USP42: variants seen among roughly 807,000 people sequenced by gnomAD.
USP42 encodes the protein ubiquitin carboxyl-terminal hydrolase 42.
USP42 carries 23 observed loss-of-function variants against 113.0 expected under a neutral mutation model. The observed-to-expected ratio is 0.20, with a 90% CI of 0.15 to 0.29. The LOEUF (loss-of-function observed/expected upper bound fraction) is 0.29. USP42 is among the 10% of genes least tolerant of loss of function. USP42 has a pLI of 1.00. For synonymous variants in USP42, 933 were observed against 699.0 expected (o/e 1.33, Z -5.28); for missense variants, 2,174 against 1,779.8 (o/e 1.22, Z -3.99).
At chr7:6,110,828 A>G (rs143370874) in intron 1 of USP42, among the ~76,000 whole-genome samples, 2 of 152,366 alleles carry the variant, frequency 1.3e-5, no homozygotes, top group Non-Finnish European at 2.9e-5. Context: ...ATGTCCAATT[A>G]TAAACTGAAA....
intron 15 of USP42, among the ~76,000 whole-genome samples, chr7:6,155,564 C>T (rs546781748): frequency 6.6e-6 from 1 of 152,236 alleles, no homozygotes; most frequent in Non-Finnish European, 1.5e-5. Context: ...TCTTACTTGT[C>T]AGATGTAGTT....
rs755793000 is a variant in USP42 at position 6,111,312 on chromosome 7, C to G, written c.179C>G (p.Ala60Gly). The G allele has an allele frequency of 3.1e-6, 5 of 1,609,506 alleles. No individual in the cohort carries two copies. In the Middle Eastern group the frequency reaches 6.6e-4, roughly 212 times the overall value. ...CTTTCTTTAGGACCAGTACCTGGTG[C>G]TGTAGTTTATTCGAGTTCATCTGTA... Reference protein sequence around the residue: ...HTLSLGPVPGAVVYSSSSVPD... With the variant: ...HTLSLGPVPGGVVYSSSSVPD... The change falls in exon 2 of 18, where the codon GCT becomes GGT. Residue 60 changes from alanine (A) to glycine (G), a missense_variant. Transcript: ENST00000306177.
intron 3 of USP42, among the ~76,000 whole-genome samples, chr7:6,123,593 G>C (rs891831111): frequency 2.0e-5 from 3 of 151,990 alleles, no homozygotes; most frequent in Non-Finnish European, 4.4e-5. Flanking sequence ...ACCCCGGGAG[G>C]CAGAGCCTGC....
At chr7:6,107,384 C>G (rs1360906153) in intron 1 of USP42, among the ~76,000 whole-genome samples, 1 of 147,936 alleles carries the variant, frequency 6.8e-6, no homozygotes, top group East Asian at 2.0e-4. Context: ...TCTTACAACT[C>G]TATTTGGGCT....
Position 6,154,401 on chromosome 7 carries a change from C to G in USP42, c.2847C>G (p.Asp949Glu). 1 of 1,577,012 alleles carries G rather than the reference C, an allele frequency of 6.3e-7. No homozygotes were observed. The highest frequency in any genetic ancestry group is 8.6e-7 in the Non-Finnish European group (1 of 1,163,186). The change falls in exon 15 of 18, where the codon GAC becomes GAG. Residue 949 changes from aspartate (D) to glutamate (E), a missense_variant. Coordinates refer to ENST00000306177, the MANE Select transcript of USP42 (RefSeq NM_032172.3). ...KEKIGSLRKV[D>E]RGHYRSRRER... is the part of the protein sequence containing the mutation. The stretch of plus-strand genomic sequence containing the variant: ...AAATCGGCAGCCTCAGAAAGGTGGA[C>G]CGAGGCCACTACCGCAGCCGGAGAG...
At position 6,154,214 on chromosome 7, in the gene USP42, C is replaced by G; in HGVS notation, c.2660C>G (p.Ser887Cys). The part of the protein sequence containing the change: ...GDHARDAQDP[S>C]QSLGAPEAAE... ...CACGCCCGGGACGCTCAGGACCCAT[C>G]CCAGAGCTTGGGCGCACCCGAGGCC... Residue 887 changes from serine to cysteine, a missense_variant, in exon 15 of 18, where the codon TCC (serine) becomes TGC (cysteine). Transcript: ENST00000306177. The G allele has an allele frequency of 6.2e-7, 1 of 1,606,962 alleles. No individual in the cohort carries two copies. The highest frequency in any genetic ancestry group is 8.5e-7 in the Non-Finnish European group (1 of 1,179,018).
intron 8 of USP42, 147 bp from the exon 9 acceptor site, chr7:6,143,938 G>T: frequency 2.1e-6 from 1 of 486,792 alleles, no homozygotes; most frequent in Non-Finnish European, 3.6e-6. Context: ...TATTTTCACT[G>T]TTGGTTGAAG....
intron 3 of USP42, among the ~76,000 whole-genome samples, chr7:6,121,831 A>C (rs1039470921): frequency 5.3e-5 from 8 of 152,008 alleles, no homozygotes; most frequent in African/African-American, 1.9e-4. Flanking sequence ...GCTAATTTTT[A>C]AATTATTTTT....
intron 7 of USP42, among the ~76,000 whole-genome samples, chr7:6,141,257 C>T (rs1317460203): frequency 1.4e-5 from 2 of 139,820 alleles, no homozygotes; most frequent in Non-Finnish European, 3.0e-5. Flanking sequence ...GGCTGGCATG[C>T]AGTGGCGTGA....
rs200232891 is a variant in USP42 at position 6,146,333 on chromosome 7, G to GT, written c.1232+89dup. 4.0e-4 allele frequency: 260 copies of GT among 656,520 alleles called. 1 individual carries two copies. The highest frequency in any genetic ancestry group is 3.5e-4 in the Admixed American group (9 of 26,036). The allele number at this position is 656,520 out of a possible 1,614,324, so 40.7% of individuals were successfully genotyped here. ...AACATGTTTGAATTCAATATTCAGT[G>GT]TTTTAAAAAAAAAAAAAAACCCAGC... is the stretch of plus-strand genomic sequence containing the variant. On this transcript the variant is annotated intron_variant, in intron 11 of 17. Coordinates refer to ENST00000306177, the MANE Select transcript of USP42 (RefSeq NM_032172.3).
At chr7:6,115,564 A>G in intron 3 of USP42, 41 bp downstream of exon 3, 1 of 1,595,632 alleles carries the variant, frequency 6.3e-7, no homozygotes, top group Non-Finnish European at 8.6e-7. Context: ...GTAGTGCGCT[A>G]ACCTACTTTC....
intron 2 of USP42, among the ~76,000 whole-genome samples, chr7:6,114,784 G>A (rs750231643): frequency 1.4e-5 from 2 of 139,508 alleles, no homozygotes; most frequent in Non-Finnish European, 3.0e-5. Context: ...TCTGCCTCCC[G>A]GGTTCACGCC....
rs1167433679 is a variant in USP42 at position 6,159,048 on chromosome 7, T to C, written c.3944-402T>C. Among the ~76,000 whole-genome samples, 1 of 152,154 alleles carries C rather than the reference T, an allele frequency of 6.6e-6. No homozygotes were observed. The highest frequency in any genetic ancestry group is 1.9e-4 in the East Asian group (1 of 5,190). On this transcript the variant is annotated intron_variant, in intron 16 of 17. Coordinates refer to ENST00000306177, the MANE Select transcript of USP42 (RefSeq NM_032172.3). This position sits in a 1 kb window ranked among gnomAD's most constrained non-coding sequence, Gnocchi z 4.1. ...CAGACTGAGGAGCCTTTCTTGTCCT[T>C]CTGAGAAGGCCGCTGCCCGGCCCCG...
upstream of USP42, among the ~76,000 whole-genome samples, chr7:6,100,399 A>G (rs1790084621): frequency 6.6e-6 from 1 of 150,566 alleles, no homozygotes; most frequent in Admixed American, 6.6e-5. Context: ...GTATGGCCTC[A>G]GCTCATTTCA....
rs757160153 is a variant in USP42 at position 6,149,949 on chromosome 7, A to G, written c.1753A>G (p.Ser585Gly). 5.0e-6 allele frequency: 8 copies of G among 1,613,890 alleles called. No homozygotes were observed. The Admixed American group carries it at 1.0e-4, about 20-fold the overall frequency. The stretch of plus-strand genomic sequence containing the variant: ...TAAAGTAACAAAACCGATCCCCCGC[A>G]GTGAATCCTGCTCCCAGCCCGTGAT... The part of the protein sequence containing the change: ...SSKVTKPIPR[S>G]ESCSQPVMNG... The change falls in exon 13 of 18, where the codon AGT (serine) becomes GGT (glycine). Residue 585 changes from serine to glycine, a missense_variant. Transcript: ENST00000306177.
At chr7:6,141,076 G>T in intron 7 of USP42, 92 bp downstream of exon 7, 1 of 582,202 alleles carries the variant, frequency 1.7e-6, no homozygotes. Flanking sequence ...ACTTGTTAGA[G>T]AATATAAATT....
At chr7:6,090,963 A>T in the USP42 span, among the ~76,000 whole-genome samples, 1 of 150,530 alleles carries the variant, frequency 6.6e-6, no homozygotes, top group Non-Finnish European at 1.5e-5. Context: ...TTTGTTAGGG[A>T]TCAATTTCAT....
intron 11 of USP42, among the ~76,000 whole-genome samples, chr7:6,147,409 A>G (rs1298408466): frequency 6.6e-6 from 1 of 152,224 alleles, no homozygotes; most frequent in Non-Finnish European, 1.5e-5. Flanking sequence ...GTTCCTCTGC[A>G]GTCCAGCCTG....
chr7:6,102,886 G>A (rs1285167135), upstream of USP42, among the ~76,000 whole-genome samples: 2 of 151,142 alleles, frequency 1.3e-5, no homozygotes, highest in African/African-American at 4.9e-5. Context: ...GCCACTGTAG[G>A]GTGGGGAGTG....
Sources: gnomAD v4.1 joint callset for allele counts (sites outside exome capture counted in the v4.1 genomes callset) on GRCh38, gnomAD v4.1.1 for gene constraint, Gnocchi (gnomAD v3.1) non-coding constraint, MANE v1.5 for transcripts, NCBI Gene and HGNC (gene_info 2026-07-23, HGNC 2026-07-21) for gene names.